Variants in GABRG3 observed in about 807,000 individuals in gnomAD.
GABRG3 encodes gamma-aminobutyric acid type A receptor subunit gamma3, also known as gamma-aminobutyric acid receptor subunit gamma-3.
A neutral mutation model predicts 48.8 loss-of-function variants in GABRG3; 25 were observed. The observed-to-expected ratio is 0.51, with a 90% CI of 0.37 to 0.72. The LOEUF (loss-of-function observed/expected upper bound fraction) is 0.72. Ranked by LOEUF, GABRG3 falls within the 30% of genes least tolerant of loss-of-function variation. The probability of loss-of-function intolerance (pLI) is 0.00; values close to 1 mark genes in which losing one functional copy is unlikely to be tolerated. For synonymous variants in GABRG3, 227 were observed against 217.6 expected (o/e 1.04, Z -0.38); for missense variants, 394 against 577.9 (o/e 0.68, Z 3.26).
At position 27,388,131 on chromosome 15, in the gene GABRG3, A is replaced by T. The variant is rs866202948; in HGVS notation, c.574+59243A>T. On this transcript the variant is annotated intron_variant, in intron 5 of 9. Transcript: ENST00000615808. The stretch of plus-strand genomic sequence containing the variant: ...GGGAAAAGAAGGAAGGAAGGAAAGG[A>T]GGGAGGGAGGGTAAGGAAGGAAGGA... Among the ~76,000 whole-genome samples, 77 of 73,424 alleles carry T rather than the reference A, an allele frequency of 1.0e-3. 1 individual carries two copies. Among genetic ancestry groups the T allele is most frequent in the African/African-American group, 2.3e-3 (28 of 12,004 alleles). The allele number at this position is 73,424 out of a possible 152,430, so 48.2% of individuals were successfully genotyped here. A position where few individuals can be genotyped will look rare whatever the true frequency, so the allele number is the denominator to read the frequency against.
At chr15:27,261,988 C>T (rs1215968578) in intron 3 of GABRG3, among the ~76,000 whole-genome samples, 1 of 152,188 alleles carries the variant, frequency 6.6e-6, no homozygotes, top group Non-Finnish European at 1.5e-5. Flanking sequence ...GTTTCTTTCT[C>T]CCTCTCTTCC....
intron 3 of GABRG3, among the ~76,000 whole-genome samples, chr15:27,174,186 C>G (rs552452198): frequency 2.3e-4 from 35 of 152,310 alleles, no homozygotes; most frequent in African/African-American, 8.2e-4. Flanking sequence ...TCTCCAAACA[C>G]CATTGTGTGG....
intron 2 of GABRG3, among the ~76,000 whole-genome samples, chr15:26,998,946 A>C (rs1895389936): frequency 6.6e-6 from 1 of 152,250 alleles, no homozygotes; most frequent in Admixed American, 6.5e-5. Flanking sequence ...TTTTTCCGTT[A>C]AATGGGTCTT....
chr15:27,199,166 A>T (rs1310849091), intron 3 of GABRG3, among the ~76,000 whole-genome samples: 1 of 152,192 alleles, frequency 6.6e-6, no homozygotes. Context: ...TTAAGGAAAA[A>T]TAGAGCCAAA....
intron 3 of GABRG3, among the ~76,000 whole-genome samples, chr15:27,248,803 C>CACACACACACAGAG (rs1377080195): frequency 9.1e-5 from 10 of 110,240 alleles, no homozygotes; most frequent in Middle Eastern, 4.8e-3. Context: ...CACACACACA[C>CACACACACACAGAG]AGAGAGAGAG....
intron 3 of GABRG3, among the ~76,000 whole-genome samples, chr15:27,307,997 G>A (rs138550657): frequency 0.079 from 10,430 of 131,620 alleles, 1,559 homozygotes; most frequent in African/African-American, 0.28. Flanking sequence ...AAACATATAC[G>A]TTTATAATAA....
At chr15:27,052,162 A>G (rs946992592) in intron 3 of GABRG3, among the ~76,000 whole-genome samples, 2 of 152,166 alleles carry the variant, frequency 1.3e-5, no homozygotes, top group Non-Finnish European at 2.9e-5. Flanking sequence ...TAAGAGGAAG[A>G]ATGCCATGTC....
At chr15:27,113,339 G>A (rs979123648) in intron 3 of GABRG3, among the ~76,000 whole-genome samples, 1 of 151,584 alleles carries the variant, frequency 6.6e-6, no homozygotes, top group African/African-American at 2.4e-5. Flanking sequence ...TTTCTTTTTA[G>A]TTCTCTAGTG....
chr15:27,429,643 T>A (rs1888391058), intron 5 of GABRG3, among the ~76,000 whole-genome samples: 1 of 152,232 alleles, frequency 6.6e-6, no homozygotes, highest in African/African-American at 2.4e-5. Flanking sequence ...TTTCAGACAC[T>A]TTGTCTAAAT....
intron 3 of GABRG3, among the ~76,000 whole-genome samples, chr15:27,081,827 T>C (rs1896997795): frequency 6.6e-6 from 1 of 152,224 alleles, no homozygotes; most frequent in Non-Finnish European, 1.5e-5. Flanking sequence ...TTTTCCCGTA[T>C]GGGTATGACA....
intron 3 of GABRG3, among the ~76,000 whole-genome samples, chr15:27,187,200 T>G (rs1888125815): frequency 6.6e-6 from 1 of 152,138 alleles, no homozygotes; most frequent in Non-Finnish European, 1.5e-5. Context: ...TCCATTGCTT[T>G]TTATTGTTGG....
chr15:27,100,918 T>C (rs1897344768), intron 3 of GABRG3, among the ~76,000 whole-genome samples: 1 of 152,210 alleles, frequency 6.6e-6, no homozygotes, highest in Non-Finnish European at 1.5e-5. Context: ...AAGGCAGGGA[T>C]GTGTGGTTTC....
chr15:27,174,598 C>CG (rs1008817679), intron 3 of GABRG3, among the ~76,000 whole-genome samples: 3 of 151,604 alleles, frequency 2.0e-5, no homozygotes, highest in Admixed American at 1.3e-4. Context: ...CTCTCTCTCT[C>CG]TCTCTCTCTC....
intron 3 of GABRG3, among the ~76,000 whole-genome samples, chr15:27,324,081 A>G (rs1399734153): frequency 1.3e-5 from 2 of 152,210 alleles, no homozygotes; most frequent in Admixed American, 6.5e-5. Context: ...AACAGCACCA[A>G]TGACTATCAT....
chr15:27,528,597 T>A (rs994122440), intron 9 of GABRG3, among the ~76,000 whole-genome samples: 5 of 152,204 alleles, frequency 3.3e-5, no homozygotes, highest in Admixed American at 1.3e-4. Flanking sequence ...ACCAGCTCCA[T>A]CAGCAATGCC....
chr15:27,529,371 T>G (rs962845274), intron 9 of GABRG3, among the ~76,000 whole-genome samples: 1 of 152,208 alleles, frequency 6.6e-6, no homozygotes, highest in African/African-American at 2.4e-5. Context: ...ATAACAACTT[T>G]TATTTACAAT....
At chr15:27,265,064 TATAATA>T (rs1401902615) in intron 3 of GABRG3, among the ~76,000 whole-genome samples, 3 of 152,036 alleles carry the variant, frequency 2.0e-5, no homozygotes, top group Admixed American at 2.0e-4. Context: ...CTAACAACCT[TATAATA>T]ATTAAAACTA....
At chr15:27,276,967 G>A (rs1262794302) in intron 3 of GABRG3, among the ~76,000 whole-genome samples, 2 of 152,280 alleles carry the variant, frequency 1.3e-5, no homozygotes, top group East Asian at 3.9e-4. Context: ...TGGCTATCTG[G>A]GAGAAGTTTG....
intron 3 of GABRG3, among the ~76,000 whole-genome samples, chr15:27,087,137 C>T (rs1353687065): frequency 6.6e-6 from 1 of 152,238 alleles, no homozygotes; most frequent in Non-Finnish European, 1.5e-5. Flanking sequence ...GAGGCCCCTT[C>T]CAGTCTGCGT....
Sources: gnomAD v4.1 joint callset for allele counts (sites outside exome capture counted in the v4.1 genomes callset) on GRCh38, gnomAD v4.1.1 for gene constraint, MANE v1.5 for transcripts, NCBI Gene and HGNC (gene_info 2026-07-23, HGNC 2026-07-21) for gene names.